FAM220A: variants seen among roughly 807,000 people sequenced by gnomAD.
FAM220A encodes the protein family with sequence similarity 220 member A.
For synonymous variants in FAM220A, 141 were observed against 130.7 expected (o/e 1.08, Z -0.54); for missense variants, 392 against 321.6 (o/e 1.22, Z -1.68).
In FAM220A at chr7:6,330,382, T is replaced by C. The variant is rs1198136229; in HGVS notation, c.773A>G (p.His258Arg). Residue 258 changes from histidine (H) to arginine (R), a missense_variant, in exon 2 of 2, where the codon CAT (histidine) becomes CGT (arginine). Physicochemically the swap from His to Arg is conservative, Grantham distance 29. Transcript: ENST00000313324. ...TATTGTTCTGCTTGTACCTTAACTATGGCATAATGTATTTGCTAATTCAAA... is the reference window on the plus strand; with the variant it reads ...TATTGTTCTGCTTGTACCTTAACTACGGCATAATGTATTTGCTAATTCAAA... ...QPFELANTLC[H>R]S The C allele has an allele frequency of 1.9e-6, 3 of 1,610,218 alleles. No individual in the cohort carries two copies. Among genetic ancestry groups the C allele is most frequent in the Admixed American group, 1.7e-5 (1 of 58,818 alleles).
intron 1 of FAM220A, among the ~76,000 whole-genome samples, chr7:6,342,871 G>A (rs1306264821): frequency 6.6e-6 from 1 of 151,322 alleles, no homozygotes; most frequent in Non-Finnish European, 1.5e-5. Context: ...ACCCCATCTA[G>A]AAACAAAATG....
intron 1 of FAM220A, among the ~76,000 whole-genome samples, chr7:6,339,923 C>T (rs1275430950): frequency 9.9e-5 from 15 of 152,008 alleles, no homozygotes; most frequent in Admixed American, 9.2e-4. Context: ...CTCACTCTGC[C>T]GCCCAGGCTG....
At chr7:6,342,187 CTTTT>C (rs796478454) in intron 1 of FAM220A, among the ~76,000 whole-genome samples, 1 of 152,020 alleles carries the variant, frequency 6.6e-6, no homozygotes, top group Non-Finnish European at 1.5e-5. Context: ...TCTTTCCTTT[CTTTT>C]TTCTTTCTTT....
At chr7:6,348,509 G>C (rs544780271) in intron 1 of FAM220A, 64 bp downstream of exon 1, 2 of 411,884 alleles carry the variant, frequency 4.9e-6, no homozygotes, top group South Asian at 8.3e-5. Context: ...CGTGGCGTCT[G>C]CATCCCGCGG....
chr7:6,329,676 G>T lies in FAM220A; in HGVS notation c.*699C>A, dbSNP rs1193876396. On this transcript the variant is annotated 3_prime_UTR_variant, in exon 2 of 2. Coordinates refer to ENST00000313324, the MANE Select transcript of FAM220A (RefSeq NM_001037163.2). ...GGATACTGCAATTCTTAGAATCTGG[G>T]AAACTTTTTATGTGGGAAATAACTC... 1 of 164,974 alleles carries T rather than the reference G, an allele frequency of 6.1e-6. No homozygotes were observed. Among genetic ancestry groups the T allele is most frequent in the African/African-American group, 2.4e-5 (1 of 41,424 alleles). 10.2% of individuals were successfully genotyped at this position (164,974 alleles called of 1,614,324 possible).
intron 1 of FAM220A, among the ~76,000 whole-genome samples, chr7:6,339,959 A>G (rs1201071025): frequency 6.6e-6 from 1 of 151,840 alleles, no homozygotes; most frequent in Non-Finnish European, 1.5e-5. Flanking sequence ...ATCTCAGCTC[A>G]CTGCAACCTC....
chr7:6,329,894 C>A lies in FAM220A; in HGVS notation c.*481G>T. On this transcript the variant is annotated 3_prime_UTR_variant, in exon 2 of 2. Coordinates refer to ENST00000313324, the MANE Select transcript of FAM220A (RefSeq NM_001037163.2). Reference sequence around the variant, plus strand: ...GTATGAGAAGTGAAATCGAATTTTGCTGCAGACCAAAATCATTCTACAAAA... The same window carrying A: ...GTATGAGAAGTGAAATCGAATTTTGATGCAGACCAAAATCATTCTACAAAA... The A allele has an allele frequency of 5.9e-6, 1 of 169,656 alleles. No individual in the cohort carries two copies. 10.5% of individuals were successfully genotyped at this position (169,656 alleles called of 1,614,324 possible).
At position 6,335,253 on chromosome 7, in the gene FAM220A, G is replaced by A. The variant is rs10274805; in HGVS notation, c.-81-4018C>T. On this transcript the variant is annotated intron_variant, in intron 1 of 1. Coordinates refer to ENST00000313324, the MANE Select transcript of FAM220A (RefSeq NM_001037163.2). ...ATTTTTTTTTTTTAAATGGAGTCTC[G>A]CTCTTGTTGCCCAGGCTGGAGGGCA... Among the ~76,000 whole-genome samples the A allele has an allele frequency of 9.3e-3, 1,396 of 149,318 alleles. 21 individuals carry two copies. Among genetic ancestry groups the A allele is most frequent in the African/African-American group, 0.033 (1,333 of 40,612 alleles).
rs1466789067 is a variant in FAM220A at position 6,330,461 on chromosome 7, T to C, written c.694A>G (p.Lys232Glu). 1 of 1,614,200 alleles carries C rather than the reference T, an allele frequency of 6.2e-7. No homozygotes were observed. Among genetic ancestry groups the C allele is most frequent in the Non-Finnish European group, 8.5e-7 (1 of 1,180,044 alleles). Residue 232 changes from lysine (K) to glutamate (E), a missense_variant, in exon 2 of 2, where the codon AAA becomes GAA. Lys to Glu is a moderately conservative substitution (Grantham distance 56). Transcript: ENST00000313324. ...ATCTGCAGACCATCTGAGGTGCTTT[T>C]AAGCATTTTCTTGAATTCTATTGTT... ...KQTIEFKKML[K>E]STSDGLQITL...
At chr7:6,338,755 G>C (rs1293543785) in intron 1 of FAM220A, 1 of 152,336 alleles carries the variant, frequency 6.6e-6, no homozygotes, top group African/African-American at 2.4e-5. Flanking sequence ...CCTAACCCAA[G>C]CTATTCCTGG....
intron 1 of FAM220A, among the ~76,000 whole-genome samples, chr7:6,342,564 T>A (rs1781882912): frequency 6.6e-6 from 1 of 151,538 alleles, no homozygotes; most frequent in Non-Finnish European, 1.5e-5. Context: ...CTTTTTGAAA[T>A]GGTTAGAGGA....
intron 1 of FAM220A, among the ~76,000 whole-genome samples, chr7:6,347,247 G>A (rs950249991): frequency 1.3e-5 from 2 of 152,212 alleles, no homozygotes; most frequent in African/African-American, 4.8e-5. Context: ...GGGCGCTGTG[G>A]CTGACGCCTA....
At chr7:6,335,443 GT>G (rs1374511373) in intron 1 of FAM220A, among the ~76,000 whole-genome samples, 4 of 151,808 alleles carry the variant, frequency 2.6e-5, no homozygotes, top group Admixed American at 2.6e-4. Flanking sequence ...TGCCAGGCTG[GT>G]CTTGATGTCC....
intron 1 of FAM220A, among the ~76,000 whole-genome samples, chr7:6,347,611 G>T (rs1397593617): frequency 6.6e-6 from 1 of 151,962 alleles, no homozygotes; most frequent in Non-Finnish European, 1.5e-5. Flanking sequence ...AATGGTTCCA[G>T]GCCTCTGAGA....
chr7:6,332,797 G>T (rs763348014), intron 1 of FAM220A, among the ~76,000 whole-genome samples: 22 of 152,290 alleles, frequency 1.4e-4, no homozygotes, highest in Non-Finnish European at 2.4e-4. Context: ...GTAGGAAACT[G>T]CTGTTTCTCT....
chr7:6,346,580 C>G (rs1473788223), intron 1 of FAM220A, among the ~76,000 whole-genome samples: 1 of 152,112 alleles, frequency 6.6e-6, no homozygotes, highest in Non-Finnish European at 1.5e-5. Context: ...AGGGTTTCAC[C>G]CTGTAGCCCA....
At chr7:6,337,023 G>A (rs1464933388) in intron 1 of FAM220A, among the ~76,000 whole-genome samples, 1 of 151,932 alleles carries the variant, frequency 6.6e-6, no homozygotes, top group Non-Finnish European at 1.5e-5. Context: ...TCCTTAAACG[G>A]AAGGATTCCT....
intron 1 of FAM220A, among the ~76,000 whole-genome samples, chr7:6,336,127 A>C (rs530311748): frequency 6.6e-6 from 1 of 150,912 alleles, no homozygotes; most frequent in South Asian, 2.1e-4. Flanking sequence ...AAGCCAAGAT[A>C]GCACCACTGC....
At chr7:6,337,417 C>CA (rs1781769354) in intron 1 of FAM220A, among the ~76,000 whole-genome samples, 40 of 151,306 alleles carry the variant, frequency 2.6e-4, no homozygotes, top group African/African-American at 9.3e-4. Flanking sequence ...CCACTGCGCC[C>CA]GCCCAGTATT....
Sources: gnomAD v4.1 joint callset for allele counts (sites outside exome capture counted in the v4.1 genomes callset) on GRCh38, gnomAD v4.1.1 for gene constraint, MANE v1.5 for transcripts, NCBI Gene and HGNC (gene_info 2026-07-23, HGNC 2026-07-21) for gene names.